The following MDGA2 variants were observed in gnomAD, a reference collection of about 807,000 sequenced individuals.
MDGA2 encodes the protein MAM domain-containing glycosylphosphatidylinositol anchor protein 2.
MDGA2 carries 40 observed loss-of-function variants against 117.8 expected under a neutral mutation model. That is an observed-to-expected ratio of 0.34 (90% CI 0.26 to 0.44). The LOEUF (loss-of-function observed/expected upper bound fraction) is 0.44, where lower values mean the gene tolerates loss of function less well. Among genes scored for constraint, MDGA2 ranks in the 20% least tolerant of loss-of-function variants. The probability of loss-of-function intolerance (pLI) is 1.00; values close to 1 mark genes in which losing one functional copy is unlikely to be tolerated. For synonymous variants in MDGA2, 452 were observed against 439.0 expected, an observed-to-expected ratio of 1.03 and a Z score of -0.37; for missense variants, 1,123 against 1,250.6, an observed-to-expected ratio of 0.90 and a Z score of 1.54.
rs1424497288 is a variant in MDGA2, at chr14:47,006,121, G to T, written c.1819+28890C>A. On this transcript the variant is annotated intron_variant, in intron 8 of 16. Transcript: ENST00000399232. ...TCACCTCTGTTTACCAATTTGAAAT[G>T]TATGATTAGGAATTGTTTTCAAAAA... Among the ~76,000 whole-genome samples, 4 of 151,326 alleles carry T rather than the reference G, an allele frequency of 2.6e-5. No homozygotes were observed. The East Asian group carries it at 7.7e-4, about 29-fold the overall frequency.
chr14:47,098,627 T>C (rs1880121691), intron 5 of MDGA2, among the ~76,000 whole-genome samples: 1 of 151,876 alleles, frequency 6.6e-6, no homozygotes, highest in African/African-American at 2.4e-5. Context: ...ATTATTAATA[T>C]ATCATCATGA....
At chr14:47,479,791 T>C (rs932299188) in intron 1 of MDGA2, among the ~76,000 whole-genome samples, 3 of 151,922 alleles carry the variant, frequency 2.0e-5, no homozygotes, top group Admixed American at 2.0e-4. Context: ...ATTTATAACA[T>C]CTCCTATATT....
chr14:47,242,201 G>A (rs10137872), intron 2 of MDGA2, among the ~76,000 whole-genome samples: 40,737 of 151,702 alleles, frequency 0.27, 7,158 homozygotes, highest in East Asian at 0.6. Flanking sequence ...CAATAATTAC[G>A]TAGTTATTCA....
chr14:47,155,928 T>C (rs1397218160), intron 3 of MDGA2, among the ~76,000 whole-genome samples: 1 of 107,784 alleles, frequency 9.3e-6, no homozygotes, highest in Non-Finnish European at 1.8e-5. Flanking sequence ...TTTTTTTTTT[T>C]TTTGAGACAG....
At chr14:47,473,920 C>G (rs978850265) in intron 1 of MDGA2, among the ~76,000 whole-genome samples, 1 of 152,138 alleles carries the variant, frequency 6.6e-6, no homozygotes, top group Admixed American at 6.6e-5. Context: ...AAAACTTGCA[C>G]AAGACAAGTA....
chr14:47,635,863 G>A (rs930094413), intron 1 of MDGA2, among the ~76,000 whole-genome samples: 14 of 152,140 alleles, frequency 9.2e-5, no homozygotes, highest in South Asian at 4.2e-4. Context: ...TGTGAATATC[G>A]AAGAATAAGG....
chr14:46,997,430 T>C (rs577343575), intron 8 of MDGA2, among the ~76,000 whole-genome samples: 1 of 152,280 alleles, frequency 6.6e-6, no homozygotes, highest in South Asian at 2.1e-4. Flanking sequence ...ACAAATAAGC[T>C]TGTTATAACA....
At chr14:46,957,277 T>A in intron 9 of MDGA2, 97 bp downstream of exon 9, 1 of 1,224,388 alleles carries the variant, frequency 8.2e-7, no homozygotes, top group Non-Finnish European at 1.1e-6. Flanking sequence ...TATGCTCCAT[T>A]GATTTACAAA....
intron 3 of MDGA2, among the ~76,000 whole-genome samples, chr14:47,217,694 T>C (rs1204146224): frequency 6.6e-6 from 1 of 151,990 alleles, no homozygotes; most frequent in Admixed American, 6.6e-5. Context: ...AATAAAAATA[T>C]AAAAATGCAT....
At chr14:46,877,550 T>C (rs1323045656) in intron 11 of MDGA2, 41 bp from the exon 12 acceptor site, 2 of 1,428,710 alleles carry the variant, frequency 1.4e-6, no homozygotes, top group Non-Finnish European at 1.9e-6. Flanking sequence ...AAAAAAACAA[T>C]GTTAGCATGG....
At chr14:47,402,746 T>C (rs1037461647) in intron 1 of MDGA2, among the ~76,000 whole-genome samples, 2 of 152,102 alleles carry the variant, frequency 1.3e-5, no homozygotes, top group African/African-American at 2.4e-5. Flanking sequence ...TTGCATGGAA[T>C]AGGGAAATTA....
chr14:47,192,734 A>T (rs1231037506), intron 3 of MDGA2, among the ~76,000 whole-genome samples: 2 of 152,222 alleles, frequency 1.3e-5, no homozygotes, highest in Non-Finnish European at 2.9e-5. Flanking sequence ...TTTAGCTATA[A>T]AAACAAGTTA....
Position 47,626,182 on chromosome 14 carries a change from C to T in MDGA2, c.280+48335G>A, listed in dbSNP as rs527992892. The stretch of plus-strand genomic sequence containing the variant: ...CAACAATCTAGGCTGAATCCATTTT[C>T]TACATGGCAGATAGGTTTTTGTTTT... On this transcript the variant is annotated intron_variant, in intron 1 of 16. Coordinates refer to ENST00000399232, the MANE Select transcript of MDGA2 (RefSeq NM_001113498.3). Among the ~76,000 whole-genome samples, 384 of 152,328 alleles carry T rather than the reference C, an allele frequency of 2.5e-3. 1 individual carries two copies. The highest frequency in any genetic ancestry group is 0.016 in the South Asian group (78 of 4,826).
At chr14:47,603,877 G>A (rs2138885400) in intron 1 of MDGA2, among the ~76,000 whole-genome samples, 1 of 152,214 alleles carries the variant, frequency 6.6e-6, no homozygotes, top group South Asian at 2.1e-4. Flanking sequence ...GCAAGATCTG[G>A]TTGTTTAGAA....
intron 2 of MDGA2, among the ~76,000 whole-genome samples, chr14:47,228,013 CTT>C (rs1886566575): frequency 6.6e-6 from 1 of 152,136 alleles, no homozygotes; most frequent in South Asian, 2.1e-4. Flanking sequence ...AAAATGAACT[CTT>C]GATCTCCCCT....
intron 1 of MDGA2, among the ~76,000 whole-genome samples, chr14:47,478,577 T>C (rs528521873): frequency 6.6e-6 from 1 of 152,278 alleles, no homozygotes; most frequent in East Asian, 1.9e-4. Context: ...GGTTTCACCA[T>C]GTTGCCCAGG....
intron 1 of MDGA2, among the ~76,000 whole-genome samples, chr14:47,329,134 G>A (rs184531368): frequency 6.6e-6 from 1 of 152,190 alleles, no homozygotes; most frequent in Non-Finnish European, 1.5e-5. Flanking sequence ...GTTTCACCAT[G>A]TTGCCCAGGT....
chr14:46,946,865 C>T (rs1243434675), intron 9 of MDGA2, among the ~76,000 whole-genome samples: 1 of 152,084 alleles, frequency 6.6e-6, no homozygotes, highest in African/African-American at 2.4e-5. Flanking sequence ...AACTCCCTAC[C>T]ATGACTGACA....
In MDGA2 at chr14:47,444,220, CTG is replaced by C. The variant is rs1217710446; in HGVS notation, c.281-142672_281-142671del. The C allele has an allele frequency of 2.5e-5, 5 of 196,742 alleles. No individual in the cohort carries two copies. In the East Asian group the frequency reaches 6.2e-4, roughly 25 times the overall value. 12.2% of individuals were successfully genotyped at this position (196,742 alleles called of 1,614,324 possible). A position where few individuals can be genotyped will look rare whatever the true frequency, so the allele number is the denominator to read the frequency against. On this transcript the variant is annotated intron_variant, in intron 1 of 16. Coordinates refer to ENST00000399232, the MANE Select transcript of MDGA2 (RefSeq NM_001113498.3). ...ACTAAACTGACTGGAGAAGAGCAGA[CTG>C]TTTTGCCATTTTTCTAGGTCTTTGA...
Sources: gnomAD v4.1 joint callset for allele counts (sites outside exome capture counted in the v4.1 genomes callset) on GRCh38, gnomAD v4.1.1 for gene constraint, MANE v1.5 for transcripts, NCBI Gene and HGNC (gene_info 2026-07-23, HGNC 2026-07-21) for gene names.